The following CEMIP variants were observed in gnomAD, a reference collection of about 807,000 sequenced individuals.
The protein encoded by CEMIP is cell migration inducing hyaluronidase 1.
CEMIP carries 105 observed loss-of-function variants against 156.9 expected under a neutral mutation model. The observed-to-expected ratio is 0.67, with a 90% CI of 0.57 to 0.79. The LOEUF is 0.79. CEMIP is among the 30% of genes least tolerant of loss of function. The pLI is 0.00. For missense variants in CEMIP, 1,457 were observed against 1,769.4 expected (o/e 0.82, Z 3.17); for synonymous variants, 676 against 668.4 (o/e 1.01, Z -0.17).
chr15:80,882,909 T>A (rs904845523), intron 6 of CEMIP, among the ~76,000 whole-genome samples: 1 of 152,092 alleles, frequency 6.6e-6, no homozygotes, highest in Non-Finnish European at 1.5e-5. Flanking sequence ...GAAGGAATGA[T>A]GAAGACAGGA....
Position 80,936,795 on chromosome 15 carries a change from AACCGGTTGTC to A in CEMIP, c.3135_3144del (p.Val1046CysfsTer53). The A allele has an allele frequency of 6.2e-7, 1 of 1,614,172 alleles. No individual in the cohort carries two copies. Among genetic ancestry groups the A allele is most frequent in the East Asian group, 2.2e-5 (1 of 44,884 alleles). Reference sequence around the variant, plus strand: ...AGGAGCACCCATTACCAGCAATACCAACCGGTTGTCACCCTGCAGAAGGGCTACACCATCC... The same window carrying A: ...AGGAGCACCCATTACCAGCAATACCAACCCTGCAGAAGGGCTACACCATCC... On this transcript the variant is annotated frameshift_variant, in exon 24 of 30. Coordinates refer to ENST00000394685, the MANE Select transcript of CEMIP (RefSeq NM_001293298.2). LOFTEE classifies it high-confidence loss of function.
At chr15:80,926,154 C>G (rs1900659937) in intron 19 of CEMIP, among the ~76,000 whole-genome samples, 1 of 152,210 alleles carries the variant, frequency 6.6e-6, no homozygotes, top group African/African-American at 2.4e-5. Flanking sequence ...AAATTATGAT[C>G]TCCATTTTAG....
chr15:80,783,504 AT>A (rs1395489095), intron 1 of CEMIP, among the ~76,000 whole-genome samples: 4 of 152,138 alleles, frequency 2.6e-5, no homozygotes, highest in Non-Finnish European at 4.4e-5. Context: ...ACTCTCTTGT[AT>A]CTGGTTGGGT....
chr15:80,884,999 C>T (rs544916889), intron 7 of CEMIP, among the ~76,000 whole-genome samples: 8 of 152,246 alleles, frequency 5.3e-5, no homozygotes, highest in African/African-American at 1.7e-4. Context: ...TGGTTTGCTG[C>T]ACCTATCAAC....
chr15:80,941,987 C>T lies in CEMIP; in HGVS notation c.3546C>T (p.Tyr1182=), dbSNP rs1439272960. 1 of 1,613,968 alleles carries T rather than the reference C, an allele frequency of 6.2e-7. No individual in the cohort carries two copies. Among genetic ancestry groups the T allele is most frequent in the South Asian group, 1.1e-5 (1 of 91,044 alleles). The change falls in exon 26 of 30, where the codon TAC becomes TAT. Residue 1182 remains tyrosine (Y), a synonymous_variant. Transcript: ENST00000394685. ...AGVSDCTATA[Y]PKFTERAVVD... The stretch of plus-strand genomic sequence containing the variant: ...TCAGTGACTGCACAGCCACAGCTTA[C>T]CCCAAGTTCACCGAGAGGGCTGTCG...
chr15:80,884,737 G>C (rs1412172638), intron 7 of CEMIP, among the ~76,000 whole-genome samples: 1 of 152,164 alleles, frequency 6.6e-6, no homozygotes, highest in Non-Finnish European at 1.5e-5. Context: ...GTTTTTCAGA[G>C]ATTATGTGAA....
At chr15:80,786,555 G>T (rs1225777972) in intron 1 of CEMIP, among the ~76,000 whole-genome samples, 2 of 74,120 alleles carry the variant, frequency 2.7e-5, no homozygotes, top group African/African-American at 1.6e-4. Context: ...TGGATGTCTT[G>T]CTGTGTGTGT....
chr15:80,783,713 T>A (rs562892893), intron 1 of CEMIP, among the ~76,000 whole-genome samples: 13 of 152,374 alleles, frequency 8.5e-5, no homozygotes, highest in Admixed American at 8.5e-4. Context: ...TTGCTTTAGC[T>A]ACTTTCTTCA....
At chr15:80,877,106 C>T (rs1267154013) in intron 3 of CEMIP, among the ~76,000 whole-genome samples, 1 of 152,144 alleles carries the variant, frequency 6.6e-6, no homozygotes, top group Admixed American at 6.5e-5. Flanking sequence ...GAGACGTATT[C>T]ACCACCATGA....
At chr15:80,860,004 C>A (rs923482602) in intron 1 of CEMIP, among the ~76,000 whole-genome samples, 1 of 152,094 alleles carries the variant, frequency 6.6e-6, no homozygotes, top group African/African-American at 2.4e-5. Flanking sequence ...CCCTGTCTCC[C>A]ACTCATACAC....
At chr15:80,943,144 G>A (rs756953946) in intron 28 of CEMIP, 42 bp downstream of exon 28, 1 of 1,610,274 alleles carries the variant, frequency 6.2e-7, no homozygotes, top group Non-Finnish European at 8.5e-7. Flanking sequence ...TGCTGGCACA[G>A]CAGACCCCTG....
At chr15:80,854,211 G>A (rs1747983133) in intron 1 of CEMIP, among the ~76,000 whole-genome samples, 1 of 152,250 alleles carries the variant, frequency 6.6e-6, no homozygotes, top group South Asian at 2.1e-4. Context: ...TGAAGCCTCT[G>A]GAAGATCTTA....
intron 1 of CEMIP, among the ~76,000 whole-genome samples, chr15:80,864,862 G>GC (rs1241561163): frequency 6.6e-6 from 1 of 152,144 alleles, no homozygotes; most frequent in Non-Finnish European, 1.5e-5. Flanking sequence ...AGCTTTCTGG[G>GC]CCCCACCCTC....
intron 2 of CEMIP, 53 bp from the exon 3 acceptor site, chr15:80,873,811 C>A: frequency 1.5e-6 from 2 of 1,341,196 alleles, no homozygotes; most frequent in Non-Finnish European, 2.1e-6. Flanking sequence ...GCCCTGTATA[C>A]TGATTCCAGC....
intron 29 of CEMIP, chr15:80,948,594 G>T: frequency 1.5e-6 from 1 of 683,574 alleles, no homozygotes; most frequent in Non-Finnish European, 2.6e-6. Flanking sequence ...TGAGGCTCAG[G>T]TGAGACCCTG....
In CEMIP at chr15:80,884,357, A is replaced by G; in HGVS notation, c.797+3A>G. ...CACTTCCTGCACCTTGGATTTAGGTACTGCCCCTCACTTCGGCTTCCACTG... is the reference window on the plus strand; with the variant it reads ...CACTTCCTGCACCTTGGATTTAGGTGCTGCCCCTCACTTCGGCTTCCACTG... On this transcript the variant is annotated splice_donor_region_variant and intron_variant, in intron 7 of 29. Coordinates refer to ENST00000394685, the MANE Select transcript of CEMIP (RefSeq NM_001293298.2). 1 of 1,614,036 alleles carries G rather than the reference A, an allele frequency of 6.2e-7. No homozygotes were observed. The highest frequency in any genetic ancestry group is 1.3e-5 in the African/African-American group (1 of 75,050).
chr15:80,936,582 A>C, intron 23 of CEMIP, 92 bp from the exon 24 acceptor site: 2 of 1,139,442 alleles, frequency 1.8e-6, no homozygotes, highest in Non-Finnish European at 2.6e-6. Context: ...GTGCCTTTGA[A>C]AGTGCGGTCT....
rs937575194 is a variant in CEMIP at position 80,942,831 on chromosome 15, C to T, written c.3700-114C>T. 4.0e-6 allele frequency: 5 copies of T among 1,238,104 alleles called. No homozygotes were observed. In the African/African-American group the frequency reaches 7.4e-5, roughly 18 times the overall value. The allele number at this position is 1,238,104 out of a possible 1,614,324, so 76.7% of individuals were successfully genotyped here. A position where few individuals can be genotyped will look rare whatever the true frequency, so the allele number is the denominator to read the frequency against. On this transcript the variant is annotated intron_variant, in intron 27 of 29. Coordinates refer to ENST00000394685, the MANE Select transcript of CEMIP (RefSeq NM_001293298.2). ...TAAGTGGATAATGGAGTTTACGCTT[C>T]AAATAGATGCATAGGCAACTTCTGC...
In CEMIP at chr15:80,948,825, C is replaced by T; in HGVS notation, c.3987C>T (p.Gly1329=). Residue 1329 remains glycine (G), a synonymous_variant, in exon 30 of 30, where the codon GGC becomes GGT. Transcript: ENST00000394685. ...AAATGGCATTCGTTGGCTTCAAAGGCAGCTTCCGGCCCATCTGGGTGACAC... is the reference window on the plus strand; with the variant it reads ...AAATGGCATTCGTTGGCTTCAAAGGTAGCTTCCGGCCCATCTGGGTGACAC... ...KEQMAFVGFK[G]SFRPIWVTLD... is the part of the protein sequence containing the mutation. 1 of 1,614,222 alleles carries T rather than the reference C, an allele frequency of 6.2e-7. No individual in the cohort carries two copies. The highest frequency in any genetic ancestry group is 8.5e-7 in the Non-Finnish European group (1 of 1,180,044).
Sources: gnomAD v4.1 joint callset for allele counts (sites outside exome capture counted in the v4.1 genomes callset) on GRCh38, gnomAD v4.1.1 for gene constraint, MANE v1.5 for transcripts, NCBI Gene and HGNC (gene_info 2026-07-23, HGNC 2026-07-21) for gene names.